GNAS: variants seen among roughly 807,000 people sequenced by gnomAD.
GNAS encodes the protein protein ALEX.
Under a neutral mutation model 54.5 loss-of-function variants are expected in GNAS, and 8 were observed. The observed-to-expected ratio is 0.15, with a 90% CI of 0.09 to 0.26. The LOEUF is 0.26. GNAS is among the 10% of genes least tolerant of loss of function. The pLI, the probability that GNAS is intolerant of heterozygous loss-of-function variation, is 1.00. For missense variants in GNAS, 170 were observed against 529.8 expected (o/e 0.32, Z 6.67); for synonymous variants, 204 against 191.4 (o/e 1.07, Z -0.54).
chr20:58,892,261 C>T, intron 1 of GNAS: 2 of 857,112 alleles, frequency 2.3e-6, no homozygotes, highest in Non-Finnish European at 2.8e-6. Flanking sequence ...GAGACTGCGA[C>T]AAAAAGAGGG....
chr20:58,876,066 T>G (rs538418631), intron 1 of GNAS, among the ~76,000 whole-genome samples: 1 of 152,272 alleles, frequency 6.6e-6, no homozygotes, highest in South Asian at 2.1e-4. Context: ...AGCTTAGAGT[T>G]ACTCAGAGGT....
At chr20:58,861,795 T>A (rs979860335) in intron 1 of GNAS, among the ~76,000 whole-genome samples, 1 of 152,158 alleles carries the variant, frequency 6.6e-6, no homozygotes, top group Non-Finnish European at 1.5e-5. Context: ...AACCTCCGCC[T>A]CCCGGGTTCA....
rs746934554 is a variant in GNAS, at chr20:58,910,067, C to T, written c.956C>T (p.Thr319Ile). The T allele has an allele frequency of 1.2e-6, 2 of 1,613,852 alleles. No homozygotes were observed. The highest frequency in any genetic ancestry group is 2.2e-5 in the East Asian group (1 of 44,884). The change falls in exon 11 of 13, where the codon ACT (threonine) becomes ATT (isoleucine). Residue 319 changes from threonine to isoleucine, a missense_variant. Thr to Ile is a moderately conservative substitution (Grantham distance 89). This residue lies in a region of GNAS where 36 missense variants were observed against 223.0 expected (regional missense o/e 0.16). Coordinates refer to ENST00000371085, the MANE Select transcript of GNAS (RefSeq NM_000516.7). The surrounding 1 kb of genome is among the most constrained non-coding windows in gnomAD (Gnocchi z 5.8). ...TACTTTCCAGAATTTGCTCGCTACACTACTCCTGAGGATGGTGTGTATGGC... is the reference window on the plus strand; with the variant it reads ...TACTTTCCAGAATTTGCTCGCTACATTACTCCTGAGGATGGTGTGTATGGC... Reference protein sequence around the residue: ...EDYFPEFARYTTPEDATPEPG... With the variant: ...EDYFPEFARYITPEDATPEPG...
intron 1 of GNAS, among the ~76,000 whole-genome samples, chr20:58,872,750 G>A (rs913111026): frequency 6.6e-6 from 1 of 152,012 alleles, no homozygotes; most frequent in South Asian, 2.1e-4. Flanking sequence ...GGGTGAGGGT[G>A]GGGGGCAGAG....
chr20:58,854,297 T>C, intron 1 of GNAS: 1 of 1,607,066 alleles, frequency 6.2e-7, no homozygotes. Flanking sequence ...GAGCCCCAGA[T>C]AAGAGAGAGC....
chr20:58,892,161 CTCTCTT>C, intron 1 of GNAS: 2 of 940,806 alleles, frequency 2.1e-6, no homozygotes, highest in African/African-American at 1.8e-5. Context: ...CCCCCTCTTT[CTCTCTT>C]TCTCTCTTTT....
upstream of GNAS, chr20:58,840,384 T>C (rs2085671809): frequency 2.5e-6 from 4 of 1,613,278 alleles, no homozygotes; most frequent in Non-Finnish European, 2.5e-6. The surrounding 1 kb of genome is among the most constrained non-coding windows in gnomAD (Gnocchi z 6.0). Flanking sequence ...GAGGCAGACC[T>C]TGAGCTGTCC....
intron 1 of GNAS, among the ~76,000 whole-genome samples, chr20:58,845,992 C>A (rs1483307894): frequency 6.6e-6 from 1 of 152,136 alleles, no homozygotes; most frequent in East Asian, 1.9e-4. Context: ...TAGCAGGGCA[C>A]ATGGCTATGA....
At chr20:58,851,593 C>A (rs1452149133) in intron 1 of GNAS, among the ~76,000 whole-genome samples, 1 of 152,200 alleles carries the variant, frequency 6.6e-6, no homozygotes, top group Admixed American at 6.5e-5. Context: ...CCTCTGCAGA[C>A]CCCAGACCAG....
intron 1 of GNAS, among the ~76,000 whole-genome samples, chr20:58,872,700 G>A (rs891036145): frequency 1.1e-4 from 16 of 152,114 alleles, no homozygotes; most frequent in African/African-American, 3.6e-4. Context: ...GGGGAATTCA[G>A]CCAGAGGAGA....
At chr20:58,901,876 C>CGT (rs2090636586) in intron 3 of GNAS, among the ~76,000 whole-genome samples, 1 of 134,188 alleles carries the variant, frequency 7.5e-6, no homozygotes, top group African/African-American at 2.7e-5. Context: ...ACTGCCCTGC[C>CGT]CTGCTCGTCT....
chr20:58,853,530 G>A lies in GNAS; in HGVS notation c.43+12644G>A, dbSNP rs377706563. 207 of 1,613,144 alleles carry A rather than the reference G, an allele frequency of 1.3e-4. No homozygotes were observed. Among genetic ancestry groups the A allele is most frequent in the Non-Finnish European group, 1.7e-4 (205 of 1,179,874 alleles). ...CCTCAACCCGGCATTCAGGGAAGCT[G>A]GAGCCCATGGAAGCTACAGCCCACC... is the stretch of plus-strand genomic sequence containing the variant. On this transcript the variant is annotated intron_variant, in intron 1 of 12. Transcript: ENST00000306090. The surrounding 1 kb of genome is among the most constrained non-coding windows in gnomAD (Gnocchi z 4.4).
chr20:58,860,097 G>T (rs79723704), intron 1 of GNAS, among the ~76,000 whole-genome samples: 3,390 of 152,276 alleles, frequency 0.022, 67 homozygotes, highest in Middle Eastern at 0.054. Flanking sequence ...GACACGTGTC[G>T]AGTAGTCTGC....
At chr20:58,885,183 C>T (rs1268947139) in intron 1 of GNAS, among the ~76,000 whole-genome samples, 2 of 152,202 alleles carry the variant, frequency 1.3e-5, no homozygotes, top group African/African-American at 4.8e-5. Flanking sequence ...GTGAGAAAGG[C>T]ACTGATGGCC....
chr20:58,898,726 G>A, intron 2 of GNAS: 1 of 641,218 alleles, frequency 1.6e-6, no homozygotes, highest in East Asian at 2.7e-5. Flanking sequence ...TGCAGCAAAG[G>A]TGTGGGATTC....
At chr20:58,883,411 G>A (rs1396381162) in intron 1 of GNAS, among the ~76,000 whole-genome samples, 1 of 152,186 alleles carries the variant, frequency 6.6e-6, no homozygotes. Context: ...AGCCTTCCCA[G>A]TATTGGGCGG....
At chr20:58,895,885 C>A (rs533243880) in intron 2 of GNAS, among the ~76,000 whole-genome samples, 1 of 151,974 alleles carries the variant, frequency 6.6e-6, no homozygotes, top group Non-Finnish European at 1.5e-5. Flanking sequence ...GCAACAAATA[C>A]TACTGATGAA....
intron 2 of GNAS, among the ~76,000 whole-genome samples, chr20:58,896,572 C>G (rs1390391386): frequency 6.6e-6 from 1 of 151,784 alleles, no homozygotes; most frequent in Non-Finnish European, 1.5e-5. Flanking sequence ...GCTTTTCTCC[C>G]CAAGACCCCA....
intron 1 of GNAS, among the ~76,000 whole-genome samples, chr20:58,847,481 T>A (rs1430509955): frequency 6.6e-6 from 1 of 152,252 alleles, no homozygotes; most frequent in Admixed American, 6.5e-5. Context: ...CAAAGTCTAT[T>A]ACTACTCACT....
Sources: gnomAD v4.1 joint callset for allele counts (sites outside exome capture counted in the v4.1 genomes callset) on GRCh38, gnomAD v4.1.1 for gene constraint, gnomAD v4.1.1 regional missense constraint, Gnocchi (gnomAD v3.1) non-coding constraint, MANE v1.5 for transcripts, NCBI Gene and HGNC (gene_info 2026-07-23, HGNC 2026-07-21) for gene names.